Variants in SFRP1 observed in about 807,000 individuals in gnomAD.
SFRP1 encodes the protein secreted frizzled-related protein 1.
SFRP1 carries 9 observed loss-of-function variants against 25.9 expected under a neutral mutation model. The ratio of observed to expected loss-of-function variants is 0.35; its 90% CI spans 0.21 to 0.61. The LOEUF (loss-of-function observed/expected upper bound fraction) is 0.61, where lower values mean the gene tolerates loss of function less well. SFRP1 is among the 20% of genes least tolerant of loss of function. The pLI is 0.78. For synonymous variants in SFRP1, 178 were observed against 174.0 expected, an observed-to-expected ratio of 1.02 and a Z score of -0.18; for missense variants, 346 against 418.2, an observed-to-expected ratio of 0.83 and a Z score of 1.51.
At chr8:41,289,632 T>C (rs1803751594) in intron 2 of SFRP1, among the ~76,000 whole-genome samples, 1 of 152,212 alleles carries the variant, frequency 6.6e-6, no homozygotes, top group South Asian at 2.1e-4. Context: ...CAATCCCTGC[T>C]AACCGCTGGA....
chr8:41,292,795 G>A (rs1262020290), intron 2 of SFRP1, among the ~76,000 whole-genome samples: 1 of 152,162 alleles, frequency 6.6e-6, no homozygotes, highest in African/African-American at 2.4e-5. Context: ...TCTGCAGGTG[G>A]TTAGATTTTC....
intron 1 of SFRP1, among the ~76,000 whole-genome samples, chr8:41,305,855 C>T (rs936596219): frequency 6.6e-6 from 1 of 152,212 alleles, no homozygotes; most frequent in Non-Finnish European, 1.5e-5. Context: ...ACAACCCCCA[C>T]AATCTTCCCT....
intron 2 of SFRP1, among the ~76,000 whole-genome samples, chr8:41,299,338 A>G (rs1241650141): frequency 6.6e-6 from 1 of 151,688 alleles, no homozygotes; most frequent in African/African-American, 2.4e-5. Flanking sequence ...AATTCCTTCC[A>G]TGTCTAATTT....
At chr8:41,301,063 A>T (rs927614779) in intron 2 of SFRP1, among the ~76,000 whole-genome samples, 1 of 152,190 alleles carries the variant, frequency 6.6e-6, no homozygotes, top group South Asian at 2.1e-4. Context: ...CAGGGGTCAG[A>T]CATGCCCAGC....
intron 2 of SFRP1, chr8:41,271,704 C>T (rs1225943182): frequency 6.6e-6 from 1 of 151,774 alleles, no homozygotes; most frequent in Non-Finnish European, 1.5e-5. Flanking sequence ...GTGGCCCGCA[C>T]CTGTAATCTC....
chr8:41,289,130 C>T (rs2117503319), intron 2 of SFRP1, among the ~76,000 whole-genome samples: 1 of 152,326 alleles, frequency 6.6e-6, no homozygotes, highest in African/African-American at 2.4e-5. Context: ...CCCCATGCAC[C>T]CAAGGTGAAG....
chr8:41,289,946 G>A (rs1257512346), intron 2 of SFRP1, among the ~76,000 whole-genome samples: 1 of 152,210 alleles, frequency 6.6e-6, no homozygotes, highest in Non-Finnish European at 1.5e-5. Context: ...CTCACCAGTG[G>A]AGACCAAGTC....
chr8:41,265,659 G>T (rs1212388620), intron 2 of SFRP1, among the ~76,000 whole-genome samples, 170 bp from the exon 3 acceptor site: 2 of 151,974 alleles, frequency 1.3e-5, no homozygotes, highest in African/African-American at 4.8e-5. Context: ...AGGGGCACAG[G>T]TGCAGAGTTG....
chr8:41,269,797 G>T (rs1338525666), intron 2 of SFRP1, among the ~76,000 whole-genome samples: 1 of 152,144 alleles, frequency 6.6e-6, no homozygotes, highest in Non-Finnish European at 1.5e-5. Flanking sequence ...GGTGGCATGG[G>T]GTTGCATTAG....
chr8:41,301,461 CT>C, intron 2 of SFRP1, among the ~76,000 whole-genome samples: 1 of 152,122 alleles, frequency 6.6e-6, no homozygotes, highest in Non-Finnish European at 1.5e-5. Context: ...AAAAAAATCC[CT>C]ATATATTGTT....
chr8:41,294,926 C>T (rs1563365318), intron 2 of SFRP1, among the ~76,000 whole-genome samples: 2 of 152,170 alleles, frequency 1.3e-5, no homozygotes, highest in African/African-American at 2.4e-5. Context: ...GTTATGGGAG[C>T]TACCCACAAT....
At chr8:41,266,132 C>T (rs1234778496) in intron 2 of SFRP1, among the ~76,000 whole-genome samples, 1 of 151,950 alleles carries the variant, frequency 6.6e-6, no homozygotes, top group African/African-American at 2.4e-5. Flanking sequence ...CACCACTGCA[C>T]TCCAGCCTGA....
intron 2 of SFRP1, among the ~76,000 whole-genome samples, chr8:41,291,324 G>A (rs565006447): frequency 6.6e-5 from 10 of 152,204 alleles, no homozygotes; most frequent in South Asian, 4.1e-4. Context: ...TCAGGTTGCC[G>A]CACAAGCTGG....
intron 2 of SFRP1, among the ~76,000 whole-genome samples, chr8:41,273,402 GA>G (rs1803535245): frequency 6.6e-6 from 1 of 151,968 alleles, no homozygotes; most frequent in Non-Finnish European, 1.5e-5. Flanking sequence ...TGAGGCAGGA[GA>G]ATTGCTTGAA....
chr8:41,304,203 T>C (rs1238117146), intron 1 of SFRP1, among the ~76,000 whole-genome samples: 2 of 152,050 alleles, frequency 1.3e-5, no homozygotes, highest in Admixed American at 6.5e-5. Context: ...GTGAAGTGCT[T>C]TGAAGAGGAG....
chr8:41,284,797 T>G (rs1178417903), intron 2 of SFRP1, among the ~76,000 whole-genome samples: 1 of 152,182 alleles, frequency 6.6e-6, no homozygotes, highest in Non-Finnish European at 1.5e-5. Context: ...CGCAGGCAAG[T>G]GCAGGCTGGC....
rs576175856 is a variant in SFRP1, at chr8:41,299,499, T to TAAA, written c.622+3959_622+3961dup. ...ACCTTGAAAAGAGCCTTCTCCTTTA[T>TAAA]AAAAAAAAAAAAAAAAAAAAAAAAA... On this transcript the variant is annotated intron_variant, in intron 2 of 2. Transcript: ENST00000220772. Among the ~76,000 whole-genome samples, 29 of 56,062 alleles carry TAAA rather than the reference T, an allele frequency of 5.2e-4. 1 individual carries two copies. The highest frequency in any genetic ancestry group is 2.0e-3 in the African/African-American group (23 of 11,722). The allele number at this position is 56,062 out of a possible 152,430, so 36.8% of individuals were successfully genotyped here.
chr8:41,297,740 G>A (rs937021864), intron 2 of SFRP1, among the ~76,000 whole-genome samples: 2 of 151,906 alleles, frequency 1.3e-5, no homozygotes, highest in African/African-American at 2.4e-5. Flanking sequence ...AGTCTGTCTC[G>A]CCCAGAGCCT....
Position 41,265,044 on chromosome 8 carries a change from T to C in SFRP1, c.*123A>G. 5 of 678,818 alleles carry C rather than the reference T, an allele frequency of 7.4e-6. No individual in the cohort carries two copies. The highest frequency in any genetic ancestry group is 1.2e-5 in the Non-Finnish European group (5 of 407,140). The allele number at this position is 678,818 out of a possible 1,614,324, so 42.0% of individuals were successfully genotyped here. A position where few individuals can be genotyped will look rare whatever the true frequency, so the allele number is the denominator to read the frequency against. The stretch of plus-strand genomic sequence containing the variant: ...GGGAATGCTGCAAGAACAAGCCGAC[T>C]GGATTACAATGTCCACTACTGACAG... On this transcript the variant is annotated 3_prime_UTR_variant, in exon 3 of 3. Transcript: ENST00000220772.
Sources: gnomAD v4.1 joint callset for allele counts (sites outside exome capture counted in the v4.1 genomes callset) on GRCh38, gnomAD v4.1.1 for gene constraint, MANE v1.5 for transcripts, NCBI Gene and HGNC (gene_info 2026-07-23, HGNC 2026-07-21) for gene names.